Variants in DCBLD2 observed in about 807,000 individuals in gnomAD.
The protein encoded by DCBLD2 is discoidin, CUB and LCCL domain containing 2, also known as discoidin, CUB and LCCL domain-containing protein 2.
Under a neutral mutation model 86.8 loss-of-function variants are expected in DCBLD2, and 54 were observed. That is an observed-to-expected ratio of 0.62 (90% confidence interval 0.50 to 0.78). The LOEUF (loss-of-function observed/expected upper bound fraction) is 0.78, where lower values mean the gene tolerates loss of function less well. Ranked by LOEUF, DCBLD2 falls within the 30% of genes least tolerant of loss-of-function variation. The pLI is 0.00. For synonymous variants in DCBLD2, 354 were observed against 341.3 expected (o/e 1.04, Z -0.41); for missense variants, 908 against 954.2 (o/e 0.95, Z 0.64).
At chr3:98,894,733 AGCATGAAGTGCAT>A (rs1943722824) in intron 1 of DCBLD2, among the ~76,000 whole-genome samples, 1 of 152,202 alleles carries the variant, frequency 6.6e-6, no homozygotes, top group African/African-American at 2.4e-5. Context: ...AAAGGACAAC[AGCATGAAGTGCAT>A]GCCGGTGCCA....
At position 98,820,333 on chromosome 3, in the gene DCBLD2, T is replaced by C. The variant is rs747824541; in HGVS notation, c.831-45A>G. 66 of 1,335,606 alleles carry C rather than the reference T, an allele frequency of 4.9e-5. 1 individual carries two copies. In the South Asian group the frequency reaches 1.2e-3, roughly 25 times the overall value. The allele number at this position is 1,335,606 out of a possible 1,614,324, so 82.7% of individuals were successfully genotyped here. A position where few individuals can be genotyped will look rare whatever the true frequency, so the allele number is the denominator to read the frequency against. ...TTTTTGGTGATACTCACATAACACA[T>C]GATGCCCCATATTTAGTGAAACATT... On this transcript the variant is annotated intron_variant, in intron 6 of 15. Coordinates refer to ENST00000326840, the MANE Select transcript of DCBLD2 (RefSeq NM_080927.4).
At chr3:98,899,590 A>G (rs1449450590) in intron 1 of DCBLD2, among the ~76,000 whole-genome samples, 2 of 152,152 alleles carry the variant, frequency 1.3e-5, no homozygotes, top group African/African-American at 4.8e-5. Flanking sequence ...CTCATTTGGA[A>G]GGTAGACATG....
intron 1 of DCBLD2, among the ~76,000 whole-genome samples, chr3:98,889,369 G>C (rs1348124591): frequency 3.3e-5 from 5 of 151,846 alleles, no homozygotes; most frequent in African/African-American, 1.2e-4. Flanking sequence ...AGGTTCTCAG[G>C]CTCCTATTTC....
At chr3:98,865,827 T>C (rs1943132737) in intron 2 of DCBLD2, among the ~76,000 whole-genome samples, 1 of 151,928 alleles carries the variant, frequency 6.6e-6, no homozygotes. Context: ...GTCATTTACA[T>C]TAGGTATATC....
chr3:98,822,055 C>T, intron 6 of DCBLD2, 173 bp downstream of exon 6: 1 of 864,902 alleles, frequency 1.2e-6, no homozygotes, highest in Non-Finnish European at 1.9e-6. Context: ...TCAAACAAAA[C>T]AAAACAAAAA....
intron 2 of DCBLD2, among the ~76,000 whole-genome samples, chr3:98,855,292 A>G (rs1465162972): frequency 1.3e-5 from 2 of 152,224 alleles, no homozygotes; most frequent in South Asian, 2.1e-4. Context: ...ATAACATGCC[A>G]TCAGTACACA....
intron 2 of DCBLD2, among the ~76,000 whole-genome samples, chr3:98,865,449 G>GA (rs1943125643): frequency 6.6e-6 from 1 of 152,192 alleles, no homozygotes; most frequent in Non-Finnish European, 1.5e-5. Flanking sequence ...AGAACGGGTT[G>GA]AAGGGGGAGT....
At chr3:98,804,053 G>A (rs1028926018) in intron 13 of DCBLD2, among the ~76,000 whole-genome samples, 4 of 152,136 alleles carry the variant, frequency 2.6e-5, no homozygotes, top group Admixed American at 2.6e-4. Context: ...GGATGATGCT[G>A]GCCTCATAAA....
intron 2 of DCBLD2, among the ~76,000 whole-genome samples, chr3:98,870,735 GAAAAAGAAAGAAAGAA>G (rs1447030579): frequency 1.0e-4 from 6 of 60,186 alleles, no homozygotes; most frequent in African/African-American, 4.1e-4. Context: ...AGAAAAGAAA[GAAAAAGAAAGAAAGAA>G]AGAAAGAAAG....
intron 4 of DCBLD2, among the ~76,000 whole-genome samples, chr3:98,823,890 G>A (rs1250886907): frequency 2.0e-5 from 3 of 152,076 alleles, no homozygotes; most frequent in African/African-American, 7.2e-5. Context: ...ACTCTGTACC[G>A]CCCCCAGTCA....
chr3:98,807,102 T>C (rs1271504662), intron 13 of DCBLD2, among the ~76,000 whole-genome samples: 1 of 152,180 alleles, frequency 6.6e-6, no homozygotes, highest in Admixed American at 6.5e-5. Context: ...TAAATTTCTC[T>C]CTTCCAGAAA....
At chr3:98,823,661 G>A (rs77989076) in intron 4 of DCBLD2, among the ~76,000 whole-genome samples, 2 of 151,946 alleles carry the variant, frequency 1.3e-5, no homozygotes, top group Non-Finnish European at 2.9e-5. Flanking sequence ...TGAAATAACC[G>A]CAAGAAATCT....
chr3:98,827,640 A>C (rs1354937963), intron 3 of DCBLD2, among the ~76,000 whole-genome samples: 1 of 152,252 alleles, frequency 6.6e-6, no homozygotes, highest in African/African-American at 2.4e-5. Context: ...AGAGCCAAGA[A>C]GACTGAAGAT....
At chr3:98,824,049 T>C (rs1942171190) in intron 4 of DCBLD2, among the ~76,000 whole-genome samples, 1 of 151,946 alleles carries the variant, frequency 6.6e-6, no homozygotes, top group Non-Finnish European at 1.5e-5. Context: ...TGTCCGGAAG[T>C]GGGGACGGCA....
At position 98,796,910 on chromosome 3, in the gene DCBLD2, A is replaced by G. The variant is rs1211790033; in HGVS notation, c.*2462T>C. ...TTAATCCAATATACCAGTGACTTTG[A>G]GTCTTAAATGTTGCAAGCAAAGGAT... On this transcript the variant is annotated 3_prime_UTR_variant, in exon 16 of 16. Coordinates refer to ENST00000326840, the MANE Select transcript of DCBLD2 (RefSeq NM_080927.4). 6.6e-6 allele frequency: 1 copy of G among 152,548 alleles called. No individual in the cohort carries two copies. The highest frequency in any genetic ancestry group is 1.5e-5 in the Non-Finnish European group (1 of 68,016). 9.4% of individuals were successfully genotyped at this position (152,548 alleles called of 1,614,324 possible).
chr3:98,802,483 A>G (rs1158403270), intron 13 of DCBLD2, among the ~76,000 whole-genome samples: 2 of 151,702 alleles, frequency 1.3e-5, no homozygotes, highest in Non-Finnish European at 2.9e-5. Flanking sequence ...GATTGCAAAA[A>G]TTTTCTCCCA....
chr3:98,815,061 A>G (rs1941997034), intron 9 of DCBLD2: 1 of 152,230 alleles, frequency 6.6e-6, no homozygotes, highest in African/African-American at 2.4e-5. Flanking sequence ...AGGTAGCTAG[A>G]ATTTGTAGGC....
chr3:98,871,932 T>C (rs1261661196), intron 2 of DCBLD2, among the ~76,000 whole-genome samples: 7 of 152,174 alleles, frequency 4.6e-5, no homozygotes, highest in African/African-American at 1.7e-4. Context: ...GTTGTTGTCA[T>C]TGGGAGATTT....
At chr3:98,801,690 T>C (rs752904144) in intron 13 of DCBLD2, 41 bp from the exon 14 acceptor site, 1 of 1,521,920 alleles carries the variant, frequency 6.6e-7, no homozygotes, top group Non-Finnish European at 9.0e-7. Flanking sequence ...CAGAGTAAAT[T>C]CACTGGTAAG....
Sources: allele counts gnomAD v4.1 joint callset (sites outside exome capture counted in the v4.1 genomes callset), GRCh38; gene constraint gnomAD v4.1.1; transcripts MANE v1.5; gene names NCBI Gene and HGNC (gene_info 2026-07-23, HGNC 2026-07-21).